Variants in FBN2 observed in about 807,000 individuals in gnomAD.
The protein encoded by FBN2 is fibrillin-2.
A neutral mutation model predicts 355.6 loss-of-function variants in FBN2; 105 were observed. The observed-to-expected ratio is 0.30, with a 90% CI of 0.25 to 0.35. The LOEUF (loss-of-function observed/expected upper bound fraction) is 0.35. Among genes scored for constraint, FBN2 ranks in the 10% least tolerant of loss-of-function variants. FBN2 has a pLI of 1.00. For synonymous variants in FBN2, 1,350 were observed against 1,301.2 expected (o/e 1.04, Z -0.81); for missense variants, 3,280 against 3,758.7 (o/e 0.87, Z 3.33).
chr5:128,273,456 TC>T, intron 61 of FBN2, among the ~76,000 whole-genome samples: 1 of 152,350 alleles, frequency 6.6e-6, no homozygotes, highest in Non-Finnish European at 1.5e-5. Context: ...GATGACAGAT[TC>T]TTTTTATATT....
At chr5:128,511,363 C>G (rs1756123547) in intron 5 of FBN2, among the ~76,000 whole-genome samples, 1 of 152,216 alleles carries the variant, frequency 6.6e-6, no homozygotes, top group African/African-American at 2.4e-5. Context: ...AAATTAAGGT[C>G]TGTGTCTATT....
chr5:128,505,464 G>C (rs1293942677), intron 5 of FBN2, among the ~76,000 whole-genome samples: 5 of 152,104 alleles, frequency 3.3e-5, no homozygotes, highest in Admixed American at 1.3e-4. Flanking sequence ...TTTTTTAACA[G>C]CTTTCCCGAG....
At chr5:128,483,210 G>A (rs898826725) in intron 5 of FBN2, among the ~76,000 whole-genome samples, 4 of 152,242 alleles carry the variant, frequency 2.6e-5, no homozygotes, top group East Asian at 1.9e-4. Flanking sequence ...TGGGTACCAC[G>A]CTCAGTACCT....
chr5:128,479,808 T>C, intron 5 of FBN2, among the ~76,000 whole-genome samples: 1 of 151,322 alleles, frequency 6.6e-6, no homozygotes, highest in Non-Finnish European at 1.5e-5. Context: ...GTGCCTGTCA[T>C]GCCAATTACT....
At chr5:128,369,919 C>T (rs951275037) in intron 15 of FBN2, among the ~76,000 whole-genome samples, 9 of 152,128 alleles carry the variant, frequency 5.9e-5, no homozygotes, top group African/African-American at 1.9e-4. Context: ...GCATTGTGCT[C>T]GTTGCTTTAC....
chr5:128,344,698 T>G (rs1751122191), intron 24 of FBN2, among the ~76,000 whole-genome samples, 188 bp from the exon 25 acceptor site: 1 of 151,684 alleles, frequency 6.6e-6, no homozygotes, highest in African/African-American at 2.4e-5. Context: ...AGATCTTATA[T>G]TCTTTTTTTT....
At chr5:128,271,059 A>G (rs1457483041) in intron 62 of FBN2, among the ~76,000 whole-genome samples, 1 of 152,154 alleles carries the variant, frequency 6.6e-6, no homozygotes, top group Non-Finnish European at 1.5e-5. Flanking sequence ...CTCCACTGAA[A>G]TTTATCTTGA....
intron 15 of FBN2, among the ~76,000 whole-genome samples, chr5:128,373,180 C>T (rs190352266): frequency 1.3e-5 from 2 of 152,282 alleles, no homozygotes; most frequent in East Asian, 3.9e-4. Context: ...CTAGCAACAA[C>T]TCGCATGTTG....
At chr5:128,490,661 G>A (rs777555190) in intron 5 of FBN2, among the ~76,000 whole-genome samples, 2 of 152,222 alleles carry the variant, frequency 1.3e-5, no homozygotes, top group South Asian at 2.1e-4. Flanking sequence ...CAGTTAATAC[G>A]ATTTTTTAAA....
chr5:128,491,348 A>G (rs1581344003), intron 5 of FBN2, among the ~76,000 whole-genome samples: 1 of 152,188 alleles, frequency 6.6e-6, no homozygotes, highest in Admixed American at 6.5e-5. Context: ...AACATTGTAA[A>G]CTTTTCTCCA....
intron 57 of FBN2, 52 bp from the exon 58 acceptor site, chr5:128,278,057 A>G (rs771854291): frequency 6.3e-7 from 1 of 1,591,088 alleles, no homozygotes; most frequent in South Asian, 1.1e-5. Context: ...ATGCAAGGGT[A>G]AAACTGGTTA....
At chr5:128,460,064 C>G (rs192374947) in intron 6 of FBN2, among the ~76,000 whole-genome samples, 1 of 152,096 alleles carries the variant, frequency 6.6e-6, no homozygotes, top group African/African-American at 2.4e-5. Flanking sequence ...TTTAGAAAAC[C>G]GCATCATCTC....
At chr5:128,279,707 T>C (rs1332706235) in intron 56 of FBN2, among the ~76,000 whole-genome samples, 11 of 152,110 alleles carry the variant, frequency 7.2e-5, no homozygotes, top group South Asian at 4.2e-4. Context: ...TTATAATGTA[T>C]GCATTTTAAC....
rs79228545 is a variant in FBN2 at position 128,390,172 on chromosome 5, A to G, written c.1603+1846T>C. On this transcript the variant is annotated intron_variant, in intron 11 of 64. Transcript: ENST00000262464. ...AGTTACTGAGCACAAATCAATTTAA[A>G]TGGCATTTAAGGAATGAAAACTTTC... is the stretch of plus-strand genomic sequence containing the variant. Among the ~76,000 whole-genome samples the G allele has an allele frequency of 1.0e-3, 158 of 152,256 alleles. 2 individuals are homozygous for G. The East Asian group carries it at 0.02, about 19-fold the overall frequency.
At chr5:128,330,760 C>G in intron 32 of FBN2, 65 bp from the exon 33 acceptor site, 1 of 1,566,404 alleles carries the variant, frequency 6.4e-7, no homozygotes, top group Non-Finnish European at 8.8e-7. Context: ...GAAAGATTAT[C>G]GTTTGTCTTA....
At chr5:128,388,097 G>T (rs1752414819) in intron 11 of FBN2, among the ~76,000 whole-genome samples, 2 of 152,078 alleles carry the variant, frequency 1.3e-5, no homozygotes, top group Admixed American at 1.3e-4. Flanking sequence ...TTATGTAATG[G>T]CCTTCTTTGT....
intron 62 of FBN2, among the ~76,000 whole-genome samples, chr5:128,268,521 T>C (rs1201455844): frequency 1.3e-5 from 2 of 152,170 alleles, no homozygotes; most frequent in Non-Finnish European, 2.9e-5. Flanking sequence ...CCTGACTCAT[T>C]TTATGAAGGT....
rs377356890 is a variant in FBN2, at chr5:128,393,586, A to G, written c.1232-218T>C. 5.3e-5 allele frequency among the ~76,000 whole-genome samples: 8 copies of G among 152,338 alleles called. No individual in the cohort carries two copies. The South Asian group carries it at 1.7e-3, about 32-fold the overall frequency. ...AAACCTATATTGTCACATTATTTTA[A>G]CTGAGTTGCATAAACAATCATTTAC... is the stretch of plus-strand genomic sequence containing the variant. On this transcript the variant is annotated intron_variant, in intron 9 of 64. Transcript: ENST00000262464.
At position 128,355,003 on chromosome 5, in the gene FBN2, G is replaced by A. The variant is rs1751464281; in HGVS notation, c.2674+2273C>T. 2.0e-5 allele frequency among the ~76,000 whole-genome samples: 3 copies of A among 152,084 alleles called. 1 individual carries two copies. The highest frequency in any genetic ancestry group is 1.3e-4 in the Admixed American group (2 of 15,256). On this transcript the variant is annotated intron_variant, in intron 20 of 64. Coordinates refer to ENST00000262464, the MANE Select transcript of FBN2 (RefSeq NM_001999.4). ...GGATGAGTGTAGAAAGAGAAACAGAGGTCCAAAGACGGACTGGTGGAACAC... is the reference window on the plus strand; with the variant it reads ...GGATGAGTGTAGAAAGAGAAACAGAAGTCCAAAGACGGACTGGTGGAACAC...
Sources: allele counts gnomAD v4.1 joint callset (sites outside exome capture counted in the v4.1 genomes callset), GRCh38; gene constraint gnomAD v4.1.1; transcripts MANE v1.5; gene names NCBI Gene and HGNC (gene_info 2026-07-23, HGNC 2026-07-21).